Variants in SLC2A12 observed in about 807,000 individuals in gnomAD.
SLC2A12 encodes solute carrier family 2 member 12, also known as solute carrier family 2, facilitated glucose transporter member 12.
In SLC2A12, 23 loss-of-function variants were observed where a neutral mutation model predicts 41.8. That is an observed-to-expected ratio of 0.55 (90% CI 0.40 to 0.78). The LOEUF is 0.78. Among genes scored for constraint, SLC2A12 ranks in the 30% least tolerant of loss-of-function variants. SLC2A12 has a pLI of 0.00. For synonymous variants in SLC2A12, 295 were observed against 285.9 expected (o/e 1.03, Z -0.32); for missense variants, 654 against 745.6 (o/e 0.88, Z 1.43).
At chr6:134,023,269 G>A (rs974628766) in intron 2 of SLC2A12, among the ~76,000 whole-genome samples, 10 of 152,198 alleles carry the variant, frequency 6.6e-5, no homozygotes, top group African/African-American at 9.7e-5. Flanking sequence ...ATCTGACAAC[G>A]AGATGATAAG....
At chr6:134,001,972 A>G (rs372094224) in intron 4 of SLC2A12, 25 bp downstream of exon 4, 1 of 1,602,216 alleles carries the variant, frequency 6.2e-7, no homozygotes, top group Non-Finnish European at 8.5e-7. Flanking sequence ...AGTATTGTTC[A>G]GAAACCAATG....
intron 2 of SLC2A12, among the ~76,000 whole-genome samples, chr6:134,014,871 C>CA (rs1486046978): frequency 1.3e-5 from 2 of 152,206 alleles, no homozygotes; most frequent in Non-Finnish European, 2.9e-5. Flanking sequence ...GGTTATGCTA[C>CA]AAAAATGTAG....
chr6:134,006,197 A>AAAAAAAAAAAAAAAAAG (rs1776814135), intron 3 of SLC2A12, among the ~76,000 whole-genome samples: 2 of 150,280 alleles, frequency 1.3e-5, no homozygotes, highest in Admixed American at 6.6e-5. Context: ...AAAAAACAAA[A>AAAAAAAAAAAAAAAAAG]AAAAAAACAG....
intron 4 of SLC2A12, among the ~76,000 whole-genome samples, chr6:134,000,449 A>G (rs973571118): frequency 7.9e-5 from 12 of 152,238 alleles, no homozygotes; most frequent in African/African-American, 2.2e-4. Flanking sequence ...TCTTCCTTCA[A>G]GTAAAAGCTG....
intron 2 of SLC2A12, among the ~76,000 whole-genome samples, chr6:134,025,548 T>C (rs1184505995): frequency 6.6e-6 from 1 of 152,198 alleles, no homozygotes; most frequent in East Asian, 1.9e-4. Flanking sequence ...GAATGTTTTC[T>C]CTTTTGTTGT....
rs1165164380 is a variant in SLC2A12, at chr6:133,987,646, G to GTATA, written c.*3508_*3509insTATA. On this transcript the variant is annotated 3_prime_UTR_variant, in exon 5 of 5. Transcript: ENST00000275230. Reference sequence around the variant, plus strand: ...ATTTTGTGTGTGTGTGTGTGTGTGTGTGTATATATATATATATATATGCAC... The same window carrying GTATA: ...ATTTTGTGTGTGTGTGTGTGTGTGTGTATATGTATATATATATATATATATGCAC... The GTATA allele has an allele frequency of 1.4e-3, 191 of 133,246 alleles. No homozygotes were observed. Among genetic ancestry groups the GTATA allele is most frequent in the African/African-American group, 5.0e-3 (182 of 36,166 alleles). The allele number at this position is 133,246 out of a possible 1,614,324, so 8.3% of individuals were successfully genotyped here.
Position 134,028,493 on chromosome 6 carries a change from G to C in SLC2A12, c.1332C>G (p.His444Gln). 6.2e-7 allele frequency: 1 copy of C among 1,614,224 alleles called. No individual in the cohort carries two copies. The change falls in exon 2 of 5, where the codon CAC becomes CAG. Residue 444 changes from histidine to glutamine, a missense_variant. By Grantham distance (24) the His-to-Gln change is conservative. Around this residue, in one of 3 missense-constraint regions of SLC2A12, gnomAD observed 411 missense variants for 412.1 expected, o/e 1.00. Coordinates refer to ENST00000275230, the MANE Select transcript of SLC2A12 (RefSeq NM_145176.3). ...SASLLNAGLS[H>Q]TEYQIVTDPG... ...GGTCTGTGACTATCTGGTATTCAGT[G>C]TGGCTTAATCCAGCATTTAGCAAGG...
At chr6:134,043,591 A>G (rs143116645) in intron 1 of SLC2A12, among the ~76,000 whole-genome samples, 2,123 of 152,118 alleles carry the variant, frequency 0.014, 60 homozygotes, top group African/African-American at 0.046. Context: ...GCAAGAGATC[A>G]AGACCATCTG....
At chr6:134,022,321 A>G (rs1325615291) in intron 2 of SLC2A12, among the ~76,000 whole-genome samples, 4 of 152,168 alleles carry the variant, frequency 2.6e-5, no homozygotes, top group Admixed American at 2.0e-4. Flanking sequence ...ACTTGAGGTC[A>G]GGAGTTCAAG....
intron 4 of SLC2A12, among the ~76,000 whole-genome samples, chr6:133,999,867 A>G (rs1352267496): frequency 6.6e-6 from 1 of 152,238 alleles, no homozygotes; most frequent in Non-Finnish European, 1.5e-5. Context: ...TGAGAAATGG[A>G]GGAATACCAA....
chr6:134,007,443 C>G (rs1562193037), intron 2 of SLC2A12, among the ~76,000 whole-genome samples: 1 of 152,252 alleles, frequency 6.6e-6, no homozygotes, highest in Non-Finnish European at 1.5e-5. Flanking sequence ...GCCGGCTACT[C>G]TCCCTTCTCT....
At chr6:134,044,840 G>A (rs1183781702) in intron 1 of SLC2A12, among the ~76,000 whole-genome samples, 2 of 151,420 alleles carry the variant, frequency 1.3e-5, no homozygotes, top group East Asian at 1.9e-4. Context: ...ATGCTCTTTA[G>A]TTCAGCAATC....
intron 2 of SLC2A12, among the ~76,000 whole-genome samples, chr6:134,017,304 C>T (rs1479203654): frequency 6.6e-6 from 1 of 152,152 alleles, no homozygotes; most frequent in Non-Finnish European, 1.5e-5. Context: ...CCACATTCAC[C>T]TCTCATTCCC....
At chr6:134,008,108 A>T (rs1198284954) in intron 2 of SLC2A12, among the ~76,000 whole-genome samples, 1 of 152,160 alleles carries the variant, frequency 6.6e-6, no homozygotes, top group Non-Finnish European at 1.5e-5. Context: ...TTTATCAACC[A>T]ATTACATAAT....
chr6:134,048,466 T>A (rs369202121), intron 1 of SLC2A12, among the ~76,000 whole-genome samples: 72 of 152,034 alleles, frequency 4.7e-4, no homozygotes, highest in African/African-American at 1.6e-3. Context: ...CTGCTCAGGA[T>A]GCTGAGGCAC....
rs1011442081 is a variant in SLC2A12 at position 133,989,075 on chromosome 6, G to A, written c.*2080C>T. On this transcript the variant is annotated 3_prime_UTR_variant, in exon 5 of 5. Coordinates refer to ENST00000275230, the MANE Select transcript of SLC2A12 (RefSeq NM_145176.3). ...GACAGTGTGACCAGGTTTGTTTTCA[G>A]GGCTGCCGAATGAGCCTCACCTAAC... 19 of 152,292 alleles carry A rather than the reference G, an allele frequency of 1.2e-4. No individual in the cohort carries two copies. Among genetic ancestry groups the A allele is most frequent in the Non-Finnish European group, 1.2e-4 (8 of 68,024 alleles). The allele number at this position is 152,292 out of a possible 1,614,324, so 9.4% of individuals were successfully genotyped here.
At chr6:134,002,195 G>T in intron 3 of SLC2A12, 66 bp from the exon 4 acceptor site, 1 of 1,511,104 alleles carries the variant, frequency 6.6e-7, no homozygotes, top group Non-Finnish European at 8.9e-7. Context: ...TTTGTGAACA[G>T]CCACTTAGGG....
At chr6:134,015,562 A>G (rs566931419) in intron 2 of SLC2A12, among the ~76,000 whole-genome samples, 1 of 152,340 alleles carries the variant, frequency 6.6e-6, no homozygotes, top group East Asian at 1.9e-4. Context: ...GAAGATATGT[A>G]ATTATCCCAT....
At chr6:133,997,983 TCTC>T (rs1275336989) in intron 4 of SLC2A12, among the ~76,000 whole-genome samples, 1 of 152,218 alleles carries the variant, frequency 6.6e-6, no homozygotes, top group African/African-American at 2.4e-5. Context: ...ACCTTGCAGT[TCTC>T]CTATAGTCTG....
Sources: allele counts gnomAD v4.1 joint callset (sites outside exome capture counted in the v4.1 genomes callset), GRCh38; gene constraint gnomAD v4.1.1; regional missense constraint gnomAD v4.1.1; transcripts MANE v1.5; gene names NCBI Gene and HGNC (gene_info 2026-07-23, HGNC 2026-07-21).